C8orf34: variants seen among roughly 807,000 people sequenced by gnomAD.
The protein encoded by C8orf34 is uncharacterized protein C8orf34.
Under a neutral mutation model 68.3 loss-of-function variants are expected in C8orf34, and 65 were observed. The ratio of observed to expected loss-of-function variants is 0.95; its 90% CI spans 0.78 to 1.17. The LOEUF (loss-of-function observed/expected upper bound fraction) is 1.17. Ranked by LOEUF, C8orf34 falls within the 50% of genes most tolerant of loss-of-function variation. The pLI is 0.00. For missense variants in C8orf34, 664 were observed against 655.4 expected (o/e 1.01, Z -0.14); for synonymous variants, 244 against 241.2 (o/e 1.01, Z -0.11).
chr8:68,507,552 C>A (rs1048933824), intron 5 of C8orf34, among the ~76,000 whole-genome samples: 1 of 152,132 alleles, frequency 6.6e-6, no homozygotes, highest in South Asian at 2.1e-4. Context: ...GAACTGGATT[C>A]CCTGAGAGTC....
At chr8:68,343,025 A>G (rs1401439566) in intron 1 of C8orf34, among the ~76,000 whole-genome samples, 5 of 152,190 alleles carry the variant, frequency 3.3e-5, no homozygotes, top group African/African-American at 1.2e-4. Flanking sequence ...ATATAGTTTC[A>G]GGCATCCATT....
At chr8:68,797,156 C>A (rs142998052) in intron 12 of C8orf34, among the ~76,000 whole-genome samples, 1 of 152,052 alleles carries the variant, frequency 6.6e-6, no homozygotes, top group Non-Finnish European at 1.5e-5. Flanking sequence ...TGCCTATGCA[C>A]GTCTATTTTC....
chr8:68,803,743 T>C (rs1021610264), intron 12 of C8orf34, among the ~76,000 whole-genome samples: 2 of 152,144 alleles, frequency 1.3e-5, no homozygotes, highest in African/African-American at 4.8e-5. Context: ...GATAGTTTTG[T>C]GCAGGTAATA....
At chr8:68,732,611 T>C (rs1359947658) in intron 10 of C8orf34, among the ~76,000 whole-genome samples, 1 of 152,200 alleles carries the variant, frequency 6.6e-6, no homozygotes, top group Non-Finnish European at 1.5e-5. Flanking sequence ...AGAGAAGCTA[T>C]ATTTTTCTCT....
chr8:68,553,950 G>A (rs1816168973), intron 7 of C8orf34, among the ~76,000 whole-genome samples: 1 of 151,596 alleles, frequency 6.6e-6, no homozygotes, highest in Admixed American at 6.6e-5. Context: ...AATAATGAGG[G>A]GAATTCAAAT....
At chr8:68,480,942 C>T (rs890951723) in intron 4 of C8orf34, among the ~76,000 whole-genome samples, 5 of 152,238 alleles carry the variant, frequency 3.3e-5, no homozygotes, top group Admixed American at 1.3e-4. Flanking sequence ...GACATTCAAG[C>T]TGGCTGTAGA....
At chr8:68,591,539 G>A (rs1817387742) in intron 7 of C8orf34, among the ~76,000 whole-genome samples, 1 of 152,128 alleles carries the variant, frequency 6.6e-6, no homozygotes, top group Non-Finnish European at 1.5e-5. Context: ...TGGTAGGGAG[G>A]GAGAAGAAGC....
intron 8 of C8orf34, among the ~76,000 whole-genome samples, chr8:68,670,113 A>T (rs1023893566): frequency 4.6e-5 from 7 of 152,156 alleles, no homozygotes; most frequent in African/African-American, 1.7e-4. Context: ...GATAGGTTAG[A>T]TCCCTAGATA....
At chr8:68,542,632 A>G (rs1208781674) in intron 7 of C8orf34, among the ~76,000 whole-genome samples, 18 of 152,184 alleles carry the variant, frequency 1.2e-4, no homozygotes, top group Admixed American at 1.2e-3. Context: ...GTGCAACTCT[A>G]TTTTGATAAG....
chr8:68,479,946 C>A (rs1240778854), intron 4 of C8orf34, among the ~76,000 whole-genome samples: 4 of 152,160 alleles, frequency 2.6e-5, no homozygotes, highest in African/African-American at 9.7e-5. Context: ...ATGATTTTTA[C>A]ATTTTAAAAG....
intron 10 of C8orf34, among the ~76,000 whole-genome samples, chr8:68,764,699 G>A (rs1379403772): frequency 6.6e-6 from 1 of 152,138 alleles, no homozygotes; most frequent in Non-Finnish European, 1.5e-5. Flanking sequence ...CACTGCCTTT[G>A]GGGGCCTCAG....
chr8:68,338,926 A>T (rs1443316970), intron 1 of C8orf34, among the ~76,000 whole-genome samples: 1 of 152,022 alleles, frequency 6.6e-6, no homozygotes, highest in Non-Finnish European at 1.5e-5. Flanking sequence ...GTTTGTAATG[A>T]TATCTCATTG....
Position 68,559,413 on chromosome 8 carries a change from G to A in C8orf34, c.1105+26264G>A, listed in dbSNP as rs557276507. ...TTACATGTCCTGTAAATGATAAGAC[G>A]TATGAGTAAGTCTGTAAATTGAGGG... On this transcript the variant is annotated intron_variant, in intron 7 of 13. Transcript: ENST00000518698. Among the ~76,000 whole-genome samples the A allele has an allele frequency of 9.9e-5, 15 of 152,268 alleles. No homozygotes were observed. In the South Asian group the frequency reaches 2.7e-3, roughly 27 times the overall value.
At chr8:68,391,041 T>A (rs888471726) in intron 1 of C8orf34, among the ~76,000 whole-genome samples, 1 of 152,294 alleles carries the variant, frequency 6.6e-6, no homozygotes, top group African/African-American at 2.4e-5. Context: ...CTACAAAATG[T>A]CTTTAGCAAC....
intron 3 of C8orf34, among the ~76,000 whole-genome samples, chr8:68,465,921 T>C (rs1295097268): frequency 7.3e-5 from 11 of 151,514 alleles, no homozygotes; most frequent in Non-Finnish European, 1.2e-4. Context: ...CTGCACATTG[T>C]GCACATGTAC....
At chr8:68,713,299 A>G (rs1000573385) in intron 9 of C8orf34, among the ~76,000 whole-genome samples, 3 of 152,212 alleles carry the variant, frequency 2.0e-5, no homozygotes, top group Non-Finnish European at 4.4e-5. Context: ...TCCATCCCAG[A>G]AGAAGAAAAG....
At chr8:68,438,265 A>T (rs1810746709) in intron 1 of C8orf34, 1 of 152,214 alleles carries the variant, frequency 6.6e-6, no homozygotes, top group African/African-American at 2.4e-5. Context: ...GAGATAACAA[A>T]CTGGTGAGCA....
At chr8:68,394,741 T>C (rs1808621091) in intron 1 of C8orf34, among the ~76,000 whole-genome samples, 1 of 152,144 alleles carries the variant, frequency 6.6e-6, no homozygotes, top group African/African-American at 2.4e-5. Flanking sequence ...AATTTAGTAC[T>C]AAAAATAGTG....
chr8:68,449,122 A>C (rs925399003), intron 3 of C8orf34, among the ~76,000 whole-genome samples: 6 of 152,136 alleles, frequency 3.9e-5, no homozygotes, highest in African/African-American at 1.4e-4. Context: ...ATTAATATTT[A>C]TAAACACTAT....
Sources: allele counts gnomAD v4.1 joint callset (sites outside exome capture counted in the v4.1 genomes callset), GRCh38; gene constraint gnomAD v4.1.1; transcripts MANE v1.5; gene names NCBI Gene and HGNC (gene_info 2026-07-23, HGNC 2026-07-21).